PAK2: variants seen among roughly 807,000 people sequenced by gnomAD.
The protein encoded by PAK2 is p21 (RAC1) activated kinase 2, also known as serine/threonine-protein kinase PAK 2.
A neutral mutation model predicts 65.9 loss-of-function variants in PAK2; 21 were observed. That is an observed-to-expected ratio of 0.32 (90% confidence interval 0.23 to 0.46). PAK2 has a LOEUF of 0.46. Ranked by LOEUF, PAK2 falls within the 20% of genes least tolerant of loss-of-function variation. The pLI, the probability that PAK2 is intolerant of heterozygous loss-of-function variation, is 1.00. For synonymous variants in PAK2, 204 were observed against 219.7 expected (o/e 0.93, Z 0.63); for missense variants, 324 against 642.6 (o/e 0.50, Z 5.36).
At chr3:196,751,691 A>ATG (rs1713599706) in intron 1 of PAK2, among the ~76,000 whole-genome samples, 1 of 77,398 alleles carries the variant, frequency 1.3e-5, no homozygotes, top group African/African-American at 7.8e-5. Flanking sequence ...ATATATATAT[A>ATG]TATAATTCAG....
At chr3:196,772,901 AAG>A (rs1471901798) in intron 1 of PAK2, among the ~76,000 whole-genome samples, 2 of 152,232 alleles carry the variant, frequency 1.3e-5, no homozygotes, top group Non-Finnish European at 2.9e-5. Flanking sequence ...TTTATATAAA[AAG>A]TAAATAAAAA....
intron 1 of PAK2, among the ~76,000 whole-genome samples, chr3:196,752,124 T>TC (rs1270728914): frequency 1.3e-5 from 2 of 152,150 alleles, no homozygotes; most frequent in African/African-American, 2.4e-5. Context: ...GTATTAGAAC[T>TC]CTGAGACAGT....
At chr3:196,766,966 G>GTGTGTA (rs1714190575) in intron 1 of PAK2, among the ~76,000 whole-genome samples, 1 of 146,000 alleles carries the variant, frequency 6.8e-6, no homozygotes, top group South Asian at 2.1e-4. Context: ...GTGTGTGTGT[G>GTGTGTA]TGTGTGTGTA....
intron 1 of PAK2, among the ~76,000 whole-genome samples, chr3:196,762,593 G>A (rs1193814832): frequency 2.7e-5 from 4 of 150,806 alleles, no homozygotes; most frequent in African/African-American, 7.3e-5. Context: ...GGCTGAGGCA[G>A]GAGAATCAGA....
At chr3:196,787,366 G>T (rs777405823) in intron 2 of PAK2, among the ~76,000 whole-genome samples, 13 of 151,916 alleles carry the variant, frequency 8.6e-5, no homozygotes, top group Non-Finnish European at 1.5e-4. Context: ...AGATCACGAG[G>T]TCAGGAGAGC....
intron 12 of PAK2, among the ~76,000 whole-genome samples, chr3:196,819,569 T>C (rs1278078690): frequency 1.3e-5 from 2 of 152,200 alleles, no homozygotes; most frequent in Non-Finnish European, 1.5e-5. Context: ...TTCATAGATA[T>C]TATTCATGCA....
intron 1 of PAK2, among the ~76,000 whole-genome samples, chr3:196,747,784 G>A (rs1384357156): frequency 6.6e-6 from 1 of 152,014 alleles, no homozygotes; most frequent in Non-Finnish European, 1.5e-5. Flanking sequence ...AACTATAGTC[G>A]TTATTAATAA....
chr3:196,785,657 A>C (rs1171171445), intron 2 of PAK2, among the ~76,000 whole-genome samples: 2 of 152,232 alleles, frequency 1.3e-5, no homozygotes, highest in African/African-American at 4.8e-5. Context: ...CTGTTTTCAC[A>C]CTGCTGATAA....
intron 1 of PAK2, among the ~76,000 whole-genome samples, chr3:196,757,812 G>A (rs538012966): frequency 1.3e-5 from 2 of 152,134 alleles, no homozygotes; most frequent in Non-Finnish European, 1.5e-5. Context: ...GAATACTCGC[G>A]TTAGATACTG....
intron 6 of PAK2, 27 bp downstream of exon 6, chr3:196,806,713 G>A (rs767243017): frequency 3.1e-6 from 4 of 1,283,024 alleles, no homozygotes; most frequent in African/African-American, 1.5e-5. Flanking sequence ...GATCTAGGCT[G>A]TGTGTGTGCA....
intron 7 of PAK2, chr3:196,808,168 A>C: frequency 7.1e-6 from 2 of 280,496 alleles, no homozygotes; most frequent in Non-Finnish European, 6.8e-6. Context: ...AAATACAAAA[A>C]TTAGCTGGAT....
chr3:196,741,864 C>T (rs1312608499), intron 1 of PAK2, among the ~76,000 whole-genome samples: 1 of 152,168 alleles, frequency 6.6e-6, no homozygotes, highest in Non-Finnish European at 1.5e-5. Context: ...TTCTTCTAAT[C>T]AGCAGATATT....
At chr3:196,796,326 G>C (rs750989885) in intron 2 of PAK2, among the ~76,000 whole-genome samples, 1 of 152,166 alleles carries the variant, frequency 6.6e-6, no homozygotes, top group Non-Finnish European at 1.5e-5. Flanking sequence ...AAAGTCATTC[G>C]CAAAAGACTG....
intron 1 of PAK2, among the ~76,000 whole-genome samples, chr3:196,752,446 A>G (rs1713634475): frequency 6.6e-6 from 1 of 152,232 alleles, no homozygotes; most frequent in South Asian, 2.1e-4. Flanking sequence ...CTATATCTGA[A>G]GATTATAAGA....
At position 196,830,317 on chromosome 3, in the gene PAK2, A is replaced by G. The variant is rs561287865; in HGVS notation, c.*1912A>G. ...TTGATTTCATTTTTCTCTGGAATATATTGGCCTTCTACAGCTATTACTGAA... is the reference window on the plus strand; with the variant it reads ...TTGATTTCATTTTTCTCTGGAATATGTTGGCCTTCTACAGCTATTACTGAA... On this transcript the variant is annotated 3_prime_UTR_variant, in exon 15 of 15. Transcript: ENST00000327134. 3.9e-5 allele frequency: 6 copies of G among 152,324 alleles called. No homozygotes were observed. The highest frequency in any genetic ancestry group is 2.6e-4 in the Admixed American group (4 of 15,300). 9.4% of individuals were successfully genotyped at this position (152,324 alleles called of 1,614,324 possible).
At chr3:196,747,665 A>G (rs1176058695) in intron 1 of PAK2, among the ~76,000 whole-genome samples, 1 of 152,226 alleles carries the variant, frequency 6.6e-6, no homozygotes, top group Non-Finnish European at 1.5e-5. Context: ...AGAGTTTTAT[A>G]CATAACCTAT....
chr3:196,826,662 C>G (rs933484393), intron 13 of PAK2, among the ~76,000 whole-genome samples: 1 of 151,876 alleles, frequency 6.6e-6, no homozygotes, highest in African/African-American at 2.4e-5. Flanking sequence ...TGGCTCACAC[C>G]TGCAATCCAG....
At chr3:196,797,946 A>G (rs1193069274) in intron 2 of PAK2, among the ~76,000 whole-genome samples, 1 of 152,208 alleles carries the variant, frequency 6.6e-6, no homozygotes, top group East Asian at 1.9e-4. Context: ...TATTTGTAGG[A>G]TACTGCTAAA....
intron 1 of PAK2, among the ~76,000 whole-genome samples, chr3:196,772,514 C>G (rs1182374834): frequency 6.6e-6 from 1 of 152,106 alleles, no homozygotes. Context: ...TAGTTTCCTT[C>G]TTTTTTACCA....
Sources: gnomAD v4.1 joint callset for allele counts (sites outside exome capture counted in the v4.1 genomes callset) on GRCh38, gnomAD v4.1.1 for gene constraint, MANE v1.5 for transcripts, NCBI Gene and HGNC (gene_info 2026-07-23, HGNC 2026-07-21) for gene names.